UGT2B7: variants seen among roughly 807,000 people sequenced by gnomAD.
UGT2B7 encodes the protein UDP-glucuronosyltransferase 2B7.
Under a neutral mutation model 51.9 loss-of-function variants are expected in UGT2B7, and 51 were observed. That is an observed-to-expected ratio of 0.98 (90% confidence interval 0.78 to 1.24). The LOEUF (loss-of-function observed/expected upper bound fraction) is 1.24, where lower values mean the gene tolerates loss of function less well. Ranked by LOEUF, UGT2B7 falls within the 50% of genes most tolerant of loss-of-function variation. UGT2B7 has a pLI of 0.00. For synonymous variants in UGT2B7, 225 were observed against 211.6 expected (o/e 1.06, Z -0.55); for missense variants, 727 against 628.4 (o/e 1.16, Z -1.68).
chr4:69,078,185 C>T (rs1239792928), intron 1 of UGT2B7, among the ~76,000 whole-genome samples: 1 of 152,070 alleles, frequency 6.6e-6, no homozygotes, highest in Non-Finnish European at 1.5e-5. Flanking sequence ...TGATGTGCTG[C>T]TGGATTTGTT....
Position 69,112,511 on chromosome 4 carries a change from G to A in UGT2B7, c.1365G>A (p.Lys455=). 6.2e-7 allele frequency: 1 copy of A among 1,613,906 alleles called. No individual in the cohort carries two copies. Among genetic ancestry groups the A allele is most frequent in the Non-Finnish European group, 8.5e-7 (1 of 1,179,856 alleles). The change falls in exon 6 of 6, where the codon AAG becomes AAA. Residue 455 remains lysine, a synonymous_variant. Coordinates refer to ENST00000305231, the MANE Select transcript of UGT2B7 (RefSeq NM_001074.4). The stretch of plus-strand genomic sequence containing the variant: ...GAATTCAACATGATCAACCAGTGAA[G>A]CCCCTGGATCGAGCAGTCTTCTGGA... The part of the protein sequence containing the change: ...LSRIQHDQPV[K]PLDRAVFWIE...
intron 1 of UGT2B7, among the ~76,000 whole-genome samples, chr4:69,088,726 C>T (rs1719019283): frequency 6.6e-6 from 1 of 152,108 alleles, no homozygotes; most frequent in Non-Finnish European, 1.5e-5. Context: ...GTGCCTGTCA[C>T]TGTGATTAGT....
upstream of UGT2B7, among the ~76,000 whole-genome samples, chr4:69,093,252 T>A (rs889985060): frequency 6.6e-6 from 1 of 152,216 alleles, no homozygotes; most frequent in African/African-American, 2.4e-5. Context: ...GTAGAGTAGC[T>A]GTGTTGTGCT....
At chr4:69,084,186 G>T (rs752101734) in intron 1 of UGT2B7, among the ~76,000 whole-genome samples, 5 of 151,610 alleles carry the variant, frequency 3.3e-5, no homozygotes, top group Admixed American at 6.6e-5. Flanking sequence ...TTATTGTTTT[G>T]CATATGCTTA....
chr4:69,084,721 G>A (rs1718912162), intron 1 of UGT2B7, among the ~76,000 whole-genome samples: 1 of 152,090 alleles, frequency 6.6e-6, no homozygotes, highest in South Asian at 2.1e-4. Context: ...TGAAGTGTTT[G>A]GTTTTCTGTT....
chr4:69,064,785 C>G (rs905953472), intron 1 of UGT2B7, among the ~76,000 whole-genome samples: 3 of 152,092 alleles, frequency 2.0e-5, no homozygotes, highest in Non-Finnish European at 4.4e-5. Flanking sequence ...CTCTGGTACT[C>G]CTGATTCCTG....
Position 69,106,467 on chromosome 4 carries a change from T to G in UGT2B7, c.1003-708T>G, listed in dbSNP as rs374528003. ...TATGACTGCATAATATTCTGTAGTG[T>G]ATATGTACCATATTTTCTCTATTCA... On this transcript the variant is annotated intron_variant, in intron 3 of 5. Transcript: ENST00000305231. Among the ~76,000 whole-genome samples, 212 of 152,352 alleles carry G rather than the reference T, an allele frequency of 1.4e-3. 2 individuals carry two copies. Among genetic ancestry groups the G allele is most frequent in the African/African-American group, 4.8e-3 (200 of 41,586 alleles).
chr4:69,091,753 G>A (rs1332743698), upstream of UGT2B7, among the ~76,000 whole-genome samples: 1 of 152,038 alleles, frequency 6.6e-6, no homozygotes, highest in Non-Finnish European at 1.5e-5. Context: ...TGAGCCATTA[G>A]CTTAATGTCA....
chr4:69,101,997 A>C (rs189382182), intron 2 of UGT2B7, among the ~76,000 whole-genome samples: 1 of 152,310 alleles, frequency 6.6e-6, no homozygotes, highest in East Asian at 1.9e-4. Flanking sequence ...TAAACAGCAC[A>C]TCAATTTAAC....
At chr4:69,055,098 TAAAA>T (rs1178892377) in intron 1 of UGT2B7, among the ~76,000 whole-genome samples, 21 of 22,562 alleles carry the variant, frequency 9.3e-4, no homozygotes, top group African/African-American at 1.2e-3. Flanking sequence ...AAGTAATAGC[TAAAA>T]AAAAAAAAAA....
chr4:69,107,078 A>G, intron 3 of UGT2B7, 97 bp from the exon 4 acceptor site: 1 of 1,310,666 alleles, frequency 7.6e-7, no homozygotes, highest in Non-Finnish European at 1.1e-6. Context: ...TTATTTACTA[A>G]CATCCCTTGA....
chr4:69,078,465 C>T (rs1718766403), intron 1 of UGT2B7, among the ~76,000 whole-genome samples: 2 of 152,246 alleles, frequency 1.3e-5, no homozygotes, highest in South Asian at 4.1e-4. Flanking sequence ...ATTACTGCCT[C>T]AATTTCAGAA....
chr4:69,095,083 T>C (rs1428190021), upstream of UGT2B7, among the ~76,000 whole-genome samples: 1 of 152,214 alleles, frequency 6.6e-6, no homozygotes, highest in Non-Finnish European at 1.5e-5. Context: ...CTTATTCCAT[T>C]AAAGTTTTGT....
At chr4:69,082,931 T>C (rs1265114611) in intron 1 of UGT2B7, among the ~76,000 whole-genome samples, 1 of 152,146 alleles carries the variant, frequency 6.6e-6, no homozygotes, top group Non-Finnish European at 1.5e-5. Flanking sequence ...TAGTGGCTAA[T>C]TCAGCTGGTG....
chr4:69,112,512 C>T lies in UGT2B7; in HGVS notation c.1366C>T (p.Pro456Ser), dbSNP rs776418214. The T allele has an allele frequency of 1.2e-6, 2 of 1,613,910 alleles. No homozygotes were observed. The highest frequency in any genetic ancestry group is 1.7e-6 in the Non-Finnish European group (2 of 1,179,848). The part of the protein sequence containing the change: ...SRIQHDQPVK[P>S]LDRAVFWIEF... ...AATTCAACATGATCAACCAGTGAAG[C>T]CCCTGGATCGAGCAGTCTTCTGGAT... The change falls in exon 6 of 6, where the codon CCC becomes TCC. Residue 456 changes from proline to serine, a missense_variant. By Grantham distance (74) the Pro-to-Ser change is moderately conservative. Coordinates refer to ENST00000305231, the MANE Select transcript of UGT2B7 (RefSeq NM_001074.4).
intron 3 of UGT2B7, 42 bp downstream of exon 3, chr4:69,102,980 A>G: frequency 6.3e-7 from 1 of 1,586,026 alleles, no homozygotes; most frequent in Non-Finnish European, 8.5e-7. Context: ...CTACTGAAAG[A>G]GGCTGTTAAA....
intron 1 of UGT2B7, among the ~76,000 whole-genome samples, chr4:69,086,879 T>C (rs184362240): frequency 6.6e-6 from 1 of 152,070 alleles, no homozygotes; most frequent in African/African-American, 2.4e-5. Flanking sequence ...GAGTTTCCTG[T>C]GGCAACAATA....
At chr4:69,055,558 A>G (rs1718169820) in intron 1 of UGT2B7, among the ~76,000 whole-genome samples, 1 of 152,216 alleles carries the variant, frequency 6.6e-6, no homozygotes. Flanking sequence ...CAGACTTTCT[A>G]TGATGAACTA....
chr4:69,108,598 A>T (rs976450725), intron 5 of UGT2B7, among the ~76,000 whole-genome samples: 1 of 152,106 alleles, frequency 6.6e-6, no homozygotes. Context: ...TAAAAATTTG[A>T]CATAATTAAT....
Sources: allele counts gnomAD v4.1 joint callset (sites outside exome capture counted in the v4.1 genomes callset), GRCh38; gene constraint gnomAD v4.1.1; transcripts MANE v1.5; gene names NCBI Gene and HGNC (gene_info 2026-07-23, HGNC 2026-07-21).